Variants in GRIK2 observed in about 807,000 individuals in gnomAD.
GRIK2 encodes the protein glutamate receptor ionotropic, kainate 2.
GRIK2 carries 32 observed loss-of-function variants against 100.3 expected under a neutral mutation model. The observed-to-expected ratio is 0.32, with a 90% CI of 0.24 to 0.43. The LOEUF (loss-of-function observed/expected upper bound fraction) is 0.43, where lower values mean the gene tolerates loss of function less well. GRIK2 is among the 20% of genes least tolerant of loss of function. GRIK2 has a pLI of 1.00. For missense variants in GRIK2, 843 were observed against 1,114.9 expected (o/e 0.76, Z 3.47); for synonymous variants, 417 against 389.4 (o/e 1.07, Z -0.83).
intron 10 of GRIK2, among the ~76,000 whole-genome samples, chr6:101,827,482 C>CA (rs1782409121): frequency 1.4e-5 from 2 of 140,252 alleles, no homozygotes; most frequent in African/African-American, 6.2e-5. Flanking sequence ...AAAAACAAAA[C>CA]AAAACAAAAA....
intron 9 of GRIK2, among the ~76,000 whole-genome samples, chr6:101,813,388 C>A (rs1781452519): frequency 6.6e-6 from 1 of 151,998 alleles, no homozygotes; most frequent in Admixed American, 6.6e-5. Flanking sequence ...AAGAAGGCAG[C>A]AAAAATACCT....
At chr6:101,445,325 T>G (rs1185652359) in intron 2 of GRIK2, among the ~76,000 whole-genome samples, 1 of 152,128 alleles carries the variant, frequency 6.6e-6, no homozygotes, top group Non-Finnish European at 1.5e-5. Flanking sequence ...CCTATCATTG[T>G]GATTACACTC....
intron 7 of GRIK2, among the ~76,000 whole-genome samples, chr6:101,766,024 T>A (rs1778026953): frequency 2.6e-5 from 4 of 152,152 alleles, no homozygotes; most frequent in Admixed American, 2.6e-4. Flanking sequence ...GATTAAAGTA[T>A]GTTAAAATGT....
At chr6:101,455,110 T>C (rs548995790) in intron 2 of GRIK2, among the ~76,000 whole-genome samples, 1 of 152,066 alleles carries the variant, frequency 6.6e-6, no homozygotes, top group South Asian at 2.1e-4. Flanking sequence ...GGAGTCTGTA[T>C]GTATAAGGGT....
chr6:101,783,509 T>C (rs1360650916), intron 7 of GRIK2, among the ~76,000 whole-genome samples: 1 of 152,128 alleles, frequency 6.6e-6, no homozygotes, highest in Non-Finnish European at 1.5e-5. Context: ...ATAAAGAGAA[T>C]TGGTACTGAA....
At chr6:101,817,540 A>C (rs999224884) in intron 9 of GRIK2, among the ~76,000 whole-genome samples, 2 of 152,140 alleles carry the variant, frequency 1.3e-5, no homozygotes, top group Non-Finnish European at 2.9e-5. Context: ...CTTGCTGCTG[A>C]TCATTGTTAT....
At chr6:101,881,774 G>C (rs10223618) in intron 11 of GRIK2, among the ~76,000 whole-genome samples, 5 of 151,814 alleles carry the variant, frequency 3.3e-5, no homozygotes, top group African/African-American at 1.2e-4. Context: ...GATCCCTTGA[G>C]CCCAGGATTT....
rs779499932 is a variant in GRIK2, at chr6:102,068,545, C to T, written c.*34C>T. ...GGCCAAACACCCAAGCACAAACTGT[C>T]GTCTTTTTCCAAACAATTTAGCCAG... On this transcript the variant is annotated 3_prime_UTR_variant, in exon 17 of 17. Transcript: ENST00000369134. The T allele has an allele frequency of 1.3e-5, 20 of 1,588,928 alleles. No homozygotes were observed. The highest frequency in any genetic ancestry group is 1.7e-5 in the Non-Finnish European group (20 of 1,163,592).
At chr6:101,846,161 T>C (rs1783799732) in intron 10 of GRIK2, among the ~76,000 whole-genome samples, 1 of 152,146 alleles carries the variant, frequency 6.6e-6, no homozygotes, top group African/African-American at 2.4e-5. Context: ...TTTTCACTTA[T>C]GATAATGTCC....
At chr6:101,516,065 C>T (rs1225679328) in intron 2 of GRIK2, among the ~76,000 whole-genome samples, 1 of 151,928 alleles carries the variant, frequency 6.6e-6, no homozygotes, top group Non-Finnish European at 1.5e-5. Flanking sequence ...AGGTTTAAGT[C>T]CTTAATCCAT....
chr6:101,963,278 ATTTTTTTTTTTTTTTTT>A (rs3029099), intron 14 of GRIK2, among the ~76,000 whole-genome samples: 16 of 27,842 alleles, frequency 5.7e-4, no homozygotes, highest in African/African-American at 1.5e-3. Context: ...CTTATTTAGG[ATTTTTTTTTTTTTTTTT>A]TTTTTTTTTT....
At chr6:101,713,013 GA>G (rs763367515) in intron 7 of GRIK2, among the ~76,000 whole-genome samples, 1 of 151,608 alleles carries the variant, frequency 6.6e-6, no homozygotes, top group South Asian at 2.1e-4. Flanking sequence ...GTAAAGATCA[GA>G]AAAAAACTCT....
At chr6:101,798,596 T>A (rs1223178608) in intron 7 of GRIK2, among the ~76,000 whole-genome samples, 1 of 152,102 alleles carries the variant, frequency 6.6e-6, no homozygotes, top group East Asian at 1.9e-4. Flanking sequence ...TCATTTTGTA[T>A]TGTATTGTGG....
intron 4 of GRIK2, among the ~76,000 whole-genome samples, chr6:101,649,602 T>C (rs1370321838): frequency 6.6e-6 from 1 of 152,166 alleles, no homozygotes; most frequent in Non-Finnish European, 1.5e-5. Context: ...TTCCTACCTG[T>C]ATTCTCATAA....
At chr6:101,782,727 G>A (rs1279365709) in intron 7 of GRIK2, among the ~76,000 whole-genome samples, 1 of 152,094 alleles carries the variant, frequency 6.6e-6, no homozygotes, top group African/African-American at 2.4e-5. Context: ...ATACCCAGTA[G>A]TGAGATTGCT....
At chr6:101,931,845 A>T (rs1053876707) in intron 14 of GRIK2, among the ~76,000 whole-genome samples, 1 of 152,108 alleles carries the variant, frequency 6.6e-6, no homozygotes, top group African/African-American at 2.4e-5. Context: ...AAAATGGATG[A>T]CAGTCCAAGA....
chr6:101,625,390 A>ATAAG (rs1243066426), intron 3 of GRIK2, among the ~76,000 whole-genome samples: 2 of 148,186 alleles, frequency 1.3e-5, no homozygotes, highest in Non-Finnish European at 3.0e-5. Flanking sequence ...TAAATAATAA[A>ATAAG]TAAATAAATA....
At chr6:101,614,196 G>C (rs1417815867) in intron 2 of GRIK2, among the ~76,000 whole-genome samples, 1 of 151,626 alleles carries the variant, frequency 6.6e-6, no homozygotes, top group Admixed American at 6.6e-5. Context: ...AATATTTGCA[G>C]GTTAATTTAA....
At chr6:101,823,642 C>G (rs1782108547) in intron 10 of GRIK2, among the ~76,000 whole-genome samples, 1 of 151,852 alleles carries the variant, frequency 6.6e-6, no homozygotes, top group Non-Finnish European at 1.5e-5. Flanking sequence ...ATATGAGTTC[C>G]TAATTGTCAA....
Sources: gnomAD v4.1 joint callset for allele counts (sites outside exome capture counted in the v4.1 genomes callset) on GRCh38, gnomAD v4.1.1 for gene constraint, MANE v1.5 for transcripts, NCBI Gene and HGNC (gene_info 2026-07-23, HGNC 2026-07-21) for gene names.